CSMD3: variants seen among roughly 807,000 people sequenced by gnomAD.
The protein encoded by CSMD3 is CUB and sushi domain-containing protein 3.
A neutral mutation model predicts 435.2 loss-of-function variants in CSMD3; 177 were observed. That is an observed-to-expected ratio of 0.41 (90% CI 0.36 to 0.46). The LOEUF (loss-of-function observed/expected upper bound fraction) is 0.46, where lower values mean the gene tolerates loss of function less well. CSMD3 is among the 20% of genes least tolerant of loss of function. The probability of loss-of-function intolerance (pLI) is 0.34; values close to 1 mark genes in which losing one functional copy is unlikely to be tolerated. For missense variants in CSMD3, 4,265 were observed against 4,504.6 expected (o/e 0.95, Z 1.52); for synonymous variants, 1,656 against 1,520.5 (o/e 1.09, Z -2.07).
intron 10 of CSMD3, among the ~76,000 whole-genome samples, chr8:112,898,500 A>G (rs2130407710): frequency 6.6e-6 from 1 of 151,374 alleles, no homozygotes; most frequent in East Asian, 2.0e-4. Flanking sequence ...CGCTATATTT[A>G]ACTTCATTTA....
chr8:113,130,195 A>G (rs1233531957), intron 4 of CSMD3, among the ~76,000 whole-genome samples: 1 of 152,138 alleles, frequency 6.6e-6, no homozygotes, highest in East Asian at 1.9e-4. Flanking sequence ...CAGATCAGAG[A>G]AAAATAAAGC....
chr8:113,357,048 A>C (rs184782268), intron 1 of CSMD3, among the ~76,000 whole-genome samples: 3 of 152,304 alleles, frequency 2.0e-5, no homozygotes, highest in Admixed American at 2.0e-4. Context: ...CAGAAATGAA[A>C]AAAATATATA....
rs144275043 is a variant in CSMD3, at chr8:113,102,440, C to T, written c.710-3477G>A. Among the ~76,000 whole-genome samples the T allele has an allele frequency of 6.7e-4, 102 of 152,228 alleles. No individual in the cohort carries two copies. In the South Asian group the frequency reaches 0.02, roughly 29 times the overall value. On this transcript the variant is annotated intron_variant, in intron 4 of 70. Transcript: ENST00000297405. ...CTCTCTGACTATAATGACTATAAAACGTTTTCATGATCCCTGTTCTCATGG... is the reference window on the plus strand; with the variant it reads ...CTCTCTGACTATAATGACTATAAAATGTTTTCATGATCCCTGTTCTCATGG...
chr8:113,147,513 T>C (rs1295900778), intron 4 of CSMD3, among the ~76,000 whole-genome samples: 1 of 151,700 alleles, frequency 6.6e-6, no homozygotes, highest in South Asian at 2.1e-4. Context: ...TAGGTCTTTA[T>C]GTACTTCAGC....
chr8:112,955,509 T>A (rs1470207742), intron 7 of CSMD3, among the ~76,000 whole-genome samples: 3 of 151,848 alleles, frequency 2.0e-5, no homozygotes, highest in Non-Finnish European at 4.4e-5. Context: ...CTATTATGTC[T>A]TTGTGTTGAA....
intron 22 of CSMD3, among the ~76,000 whole-genome samples, chr8:112,617,024 A>T (rs1389112393): frequency 6.6e-6 from 1 of 152,154 alleles, no homozygotes; most frequent in East Asian, 1.9e-4. Context: ...ACCCCAGAAC[A>T]TTCTCTCAAG....
At chr8:112,568,598 A>C (rs1299119376) in intron 24 of CSMD3, among the ~76,000 whole-genome samples, 1 of 151,988 alleles carries the variant, frequency 6.6e-6, no homozygotes, top group Non-Finnish European at 1.5e-5. Flanking sequence ...AAAGAAAAAG[A>C]AAAAGGAATG....
intron 1 of CSMD3, among the ~76,000 whole-genome samples, chr8:113,352,326 G>A (rs964250817): frequency 6.6e-6 from 1 of 152,014 alleles, no homozygotes; most frequent in African/African-American, 2.4e-5. Context: ...GAAGAGGGTA[G>A]AGACTGGTAT....
At chr8:113,332,626 A>G (rs1301079141) in intron 1 of CSMD3, among the ~76,000 whole-genome samples, 3 of 151,764 alleles carry the variant, frequency 2.0e-5, no homozygotes, top group African/African-American at 7.2e-5. Flanking sequence ...ACATGAAAGA[A>G]TATGTAAATA....
At chr8:112,558,305 T>C (rs191131102) in intron 24 of CSMD3, among the ~76,000 whole-genome samples, 36 of 151,952 alleles carry the variant, frequency 2.4e-4, no homozygotes, top group African/African-American at 8.4e-4. Flanking sequence ...TTGAAAACCC[T>C]CATTCCATAG....
intron 45 of CSMD3, 88 bp from the exon 46 acceptor site, chr8:112,320,069 G>T (rs1822851469): frequency 3.6e-6 from 3 of 823,610 alleles, no homozygotes; most frequent in African/African-American, 1.7e-5. Flanking sequence ...ATGGAAAGTT[G>T]TTTAAAAAAA....
chr8:112,265,319 A>G, intron 60 of CSMD3, 92 bp downstream of exon 60: 3 of 881,962 alleles, frequency 3.4e-6, no homozygotes, highest in Non-Finnish European at 4.9e-6. Context: ...GAACTAAAAA[A>G]TTTTATTTAA....
intron 4 of CSMD3, among the ~76,000 whole-genome samples, chr8:113,123,807 T>C (rs972345462): frequency 2.0e-5 from 3 of 152,036 alleles, no homozygotes; most frequent in Non-Finnish European, 4.4e-5. Context: ...AGATCCCATC[T>C]GGCTTATCTT....
At chr8:113,362,880 T>A (rs1233848721) in intron 1 of CSMD3, among the ~76,000 whole-genome samples, 1 of 152,174 alleles carries the variant, frequency 6.6e-6, no homozygotes, top group South Asian at 2.1e-4. Flanking sequence ...GTAAAGGCAG[T>A]ATTTGCCTCT....
chr8:113,098,718 C>A, intron 5 of CSMD3, 38 bp downstream of exon 5: 2 of 1,379,188 alleles, frequency 1.5e-6, no homozygotes, highest in Non-Finnish European at 2.1e-6. Context: ...TTTGCTTCAA[C>A]AACATCAATG....
intron 27 of CSMD3, among the ~76,000 whole-genome samples, 197 bp downstream of exon 27, chr8:112,550,474 A>G (rs1827582398): frequency 6.6e-6 from 1 of 151,992 alleles, no homozygotes; most frequent in South Asian, 2.1e-4. Context: ...AAGTCTCAAC[A>G]ATCAATATTC....
chr8:112,448,368 C>T (rs1815863533), intron 32 of CSMD3, among the ~76,000 whole-genome samples: 1 of 152,118 alleles, frequency 6.6e-6, no homozygotes, highest in East Asian at 1.9e-4. Flanking sequence ...ACTGGGTGGA[C>T]ACAATTCCCA....
intron 32 of CSMD3, among the ~76,000 whole-genome samples, chr8:112,416,951 T>C (rs1492666): frequency 0.45 from 67,892 of 151,892 alleles, 15,776 homozygotes; most frequent in Middle Eastern, 0.6. Flanking sequence ...CCTGTTTTGA[T>C]ATAAAAGTCT....
intron 53 of CSMD3, among the ~76,000 whole-genome samples, chr8:112,297,521 C>T (rs752483822): frequency 3.9e-5 from 6 of 151,914 alleles, no homozygotes; most frequent in Non-Finnish European, 8.8e-5. Flanking sequence ...TAGCAAAATG[C>T]AGTGCCTATT....
Sources: gnomAD v4.1 joint callset for allele counts (sites outside exome capture counted in the v4.1 genomes callset) on GRCh38, gnomAD v4.1.1 for gene constraint, MANE v1.5 for transcripts, NCBI Gene and HGNC (gene_info 2026-07-23, HGNC 2026-07-21) for gene names.